ANK3: variants seen among roughly 807,000 people sequenced by gnomAD.
ANK3 encodes ankyrin-3.
Under a neutral mutation model 370.9 loss-of-function variants are expected in ANK3, and 57 were observed. The ratio of observed to expected loss-of-function variants is 0.15; its 90% CI spans 0.12 to 0.19. ANK3 has a LOEUF of 0.19. ANK3 is among the 10% of genes least tolerant of loss of function. The pLI is 1.00. For missense variants in ANK3, 4,439 were observed against 5,302.1 expected (o/e 0.84, Z 5.06); for synonymous variants, 1,929 against 1,946.3 (o/e 0.99, Z 0.23).
At chr10:60,100,825 A>G (rs2091139700) in intron 28 of ANK3, among the ~76,000 whole-genome samples, 1 of 152,236 alleles carries the variant, frequency 6.6e-6, no homozygotes, top group Non-Finnish European at 1.5e-5. Flanking sequence ...CAAAATAGAT[A>G]TGTAAAACAA....
At position 60,369,674 on chromosome 10, in the gene ANK3, TTAACA is replaced by T. The variant is rs200093213; in HGVS notation, c.114+19746_114+19750del. On this transcript the variant is annotated intron_variant, in intron 1 of 43. Coordinates refer to ENST00000280772, the MANE Select transcript of ANK3 (RefSeq NM_020987.5). ...TCATTCCATCCAGGGAACTTCCTGT[TTAACA>T]TAACTATTTGAGCAGTAGATACCTG... 2.5e-3 allele frequency among the ~76,000 whole-genome samples: 382 copies of T among 152,298 alleles called. 3 individuals carry two copies. Among genetic ancestry groups the T allele is most frequent in the Middle Eastern group, 0.02 (6 of 294 alleles).
intron 2 of ANK3, among the ~76,000 whole-genome samples, chr10:60,589,521 T>C (rs553607811): frequency 6.6e-6 from 1 of 152,312 alleles, no homozygotes; most frequent in South Asian, 2.1e-4. Flanking sequence ...CACGTTGACT[T>C]GGCTCATTAA....
In ANK3 at chr10:60,074,342, G is replaced by C. The variant is rs1319007150; in HGVS notation, c.6539C>G (p.Ala2180Gly). The part of the protein sequence containing the change: ...VHVIRSYDPS[A>G]GDVPQTQPEE... ...TGGTTGGGTCTGGGGAACATCCCCA[G>C]CTGAGGGATCATAGCTCCTGATAAC... The change falls in exon 37 of 44, where the codon GCT becomes GGT. Residue 2180 changes from alanine to glycine, a missense_variant. Physicochemically the swap from Ala to Gly is moderately conservative, Grantham distance 60. Transcript: ENST00000280772. 1 of 1,614,048 alleles carries C rather than the reference G, an allele frequency of 6.2e-7. No homozygotes were observed. The highest frequency in any genetic ancestry group is 8.5e-7 in the Non-Finnish European group (1 of 1,179,988).
intron 17 of ANK3, among the ~76,000 whole-genome samples, chr10:60,184,735 C>G (rs1002947494): frequency 1.3e-5 from 2 of 152,116 alleles, no homozygotes; most frequent in Non-Finnish European, 2.9e-5. Flanking sequence ...AAGATGAATT[C>G]AAGGCTGGGC....
At position 60,198,348 on chromosome 10, in the gene ANK3, T is replaced by G; in HGVS notation, c.1681A>C (p.Thr561Pro). 6.2e-7 allele frequency: 1 copy of G among 1,614,156 alleles called. No individual in the cohort carries two copies. The highest frequency in any genetic ancestry group is 1.6e-4 in the Middle Eastern group (1 of 6,062). ...GAGATTTGCTTTCATACCTTTGTTG[T>G]TATAGATAAAGACGCTCCATGATCC... The part of the protein sequence containing the change: ...LLDHGASLSI[T>P]TKKGFTPLHV... The change falls in exon 14 of 44, where the codon ACA becomes CCA. Residue 561 changes from threonine to proline, a missense_variant. By Grantham distance (38) the Thr-to-Pro change is conservative. Transcript: ENST00000280772.
chr10:60,307,276 C>T (rs1265282188), intron 1 of ANK3, among the ~76,000 whole-genome samples: 3 of 152,104 alleles, frequency 2.0e-5, no homozygotes, highest in South Asian at 4.2e-4. Context: ...AGTTTTCTGA[C>T]CACTGATCTA....
chr10:60,433,955 C>T (rs1440408753), intron 2 of ANK3, among the ~76,000 whole-genome samples: 1 of 152,218 alleles, frequency 6.6e-6, no homozygotes, highest in Non-Finnish European at 1.5e-5. Flanking sequence ...ACTTTCTACA[C>T]TTGGCATGTG....
intron 2 of ANK3, among the ~76,000 whole-genome samples, chr10:60,465,235 G>C (rs2064981869): frequency 6.6e-6 from 1 of 150,974 alleles, no homozygotes; most frequent in East Asian, 2.0e-4. Context: ...CCAGTCTCCA[G>C]CCTGGGTGAC....
intron 1 of ANK3, among the ~76,000 whole-genome samples, chr10:60,724,100 C>T (rs2079904503): frequency 7.9e-6 from 1 of 126,922 alleles, no homozygotes. Context: ...GTCCCAGCTA[C>T]TCGGGAGGCT....
intron 2 of ANK3, among the ~76,000 whole-genome samples, chr10:60,587,643 G>A (rs1019576655): frequency 4.6e-5 from 7 of 151,950 alleles, no homozygotes; most frequent in African/African-American, 1.7e-4. Context: ...AGATAGAATG[G>A]ATTAAAATAC....
At chr10:60,077,036 T>G (rs1433536207) in intron 36 of ANK3, among the ~76,000 whole-genome samples, 2 of 152,204 alleles carry the variant, frequency 1.3e-5, no homozygotes, top group Non-Finnish European at 2.9e-5. Flanking sequence ...CAAGCCTATT[T>G]CATGCAGAAT....
intron 42 of ANK3, among the ~76,000 whole-genome samples, chr10:60,049,644 T>C (rs1474403430): frequency 6.6e-6 from 1 of 152,160 alleles, no homozygotes; most frequent in Non-Finnish European, 1.5e-5. Context: ...CCTACAACAT[T>C]ATAGTGGATT....
chr10:60,433,208 A>C (rs2064074833), intron 2 of ANK3, among the ~76,000 whole-genome samples: 1 of 152,190 alleles, frequency 6.6e-6, no homozygotes, highest in Admixed American at 6.5e-5. Flanking sequence ...CTGTAATCCC[A>C]GCACTTTGGG....
At chr10:60,200,593 G>A (rs2096657966) in intron 12 of ANK3, among the ~76,000 whole-genome samples, 1 of 152,088 alleles carries the variant, frequency 6.6e-6, no homozygotes, top group Non-Finnish European at 1.5e-5. Flanking sequence ...CGCTGAAGCA[G>A]GCAGCCAACC....
intron 23 of ANK3, among the ~76,000 whole-genome samples, chr10:60,150,085 C>G (rs920354231): frequency 6.6e-6 from 1 of 152,200 alleles, no homozygotes; most frequent in African/African-American, 2.4e-5. Context: ...ACCCACTCCT[C>G]AGGTTTTTTC....
intron 2 of ANK3, among the ~76,000 whole-genome samples, chr10:60,416,755 C>T (rs2132942561): frequency 6.6e-6 from 1 of 152,242 alleles, no homozygotes; most frequent in South Asian, 2.1e-4. Flanking sequence ...CAATAGCTAC[C>T]ATATTAGACA....
At chr10:60,600,123 C>T (rs554027019) in intron 2 of ANK3, among the ~76,000 whole-genome samples, 1 of 152,124 alleles carries the variant, frequency 6.6e-6, no homozygotes, top group Non-Finnish European at 1.5e-5. Context: ...CAATATTTGA[C>T]TCAAAAGCTC....
At chr10:60,591,303 T>TTTTTATTTTA (rs140837942) in intron 2 of ANK3, among the ~76,000 whole-genome samples, 1 of 137,562 alleles carries the variant, frequency 7.3e-6, no homozygotes, top group African/African-American at 2.7e-5. Flanking sequence ...TTTATTTTTA[T>TTTTTATTTTA]TTTATTTATT....
At chr10:60,419,772 AG>A (rs916640534) in intron 2 of ANK3, among the ~76,000 whole-genome samples, 19 of 152,276 alleles carry the variant, frequency 1.2e-4, no homozygotes, top group African/African-American at 4.6e-4. Flanking sequence ...ACTTCAGGTG[AG>A]GCCACACTTT....
Sources: gnomAD v4.1 joint callset for allele counts (sites outside exome capture counted in the v4.1 genomes callset) on GRCh38, gnomAD v4.1.1 for gene constraint, MANE v1.5 for transcripts, NCBI Gene and HGNC (gene_info 2026-07-23, HGNC 2026-07-21) for gene names.